HS6ST3: variants seen among roughly 807,000 people sequenced by gnomAD.
HS6ST3 encodes the protein heparan-sulfate 6-O-sulfotransferase 3.
Under a neutral mutation model 36.7 loss-of-function variants are expected in HS6ST3, and 12 were observed. The ratio of observed to expected loss-of-function variants is 0.33; its 90% CI spans 0.21 to 0.53. The LOEUF (loss-of-function observed/expected upper bound fraction) is 0.53, where lower values mean the gene tolerates loss of function less well. Ranked by LOEUF, HS6ST3 falls within the 20% of genes least tolerant of loss-of-function variation. The pLI, the probability that HS6ST3 is intolerant of heterozygous loss-of-function variation, is 0.95. For missense variants in HS6ST3, 584 were observed against 640.9 expected (o/e 0.91, Z 0.96); for synonymous variants, 240 against 257.5 (o/e 0.93, Z 0.65).
intron 1 of HS6ST3, among the ~76,000 whole-genome samples, chr13:96,562,883 C>T (rs1411706386): frequency 6.6e-6 from 1 of 151,820 alleles, no homozygotes; most frequent in Non-Finnish European, 1.5e-5. Context: ...TTCTTTGTGG[C>T]TCACAGAAGG....
At chr13:96,457,095 T>G (rs2055757841) in intron 1 of HS6ST3, among the ~76,000 whole-genome samples, 1 of 152,154 alleles carries the variant, frequency 6.6e-6, no homozygotes, top group African/African-American at 2.4e-5. Flanking sequence ...TTAGGGAGGC[T>G]GATTACAATT....
chr13:96,158,779 C>T (rs1022655693), intron 1 of HS6ST3, among the ~76,000 whole-genome samples: 1 of 150,938 alleles, frequency 6.6e-6, no homozygotes. Flanking sequence ...AGGGAGGAGA[C>T]AACATTAACA....
intron 1 of HS6ST3, among the ~76,000 whole-genome samples, chr13:96,215,084 G>A (rs1213713152): frequency 2.6e-5 from 4 of 152,142 alleles, no homozygotes; most frequent in African/African-American, 4.8e-5. Context: ...ATGAAGCAAG[G>A]TTTTGCCATG....
chr13:96,122,466 A>G (rs960591899), intron 1 of HS6ST3, among the ~76,000 whole-genome samples: 1 of 152,166 alleles, frequency 6.6e-6, no homozygotes, highest in Non-Finnish European at 1.5e-5. Context: ...GTTTAGCCTA[A>G]TATATTTCTC....
chr13:96,402,978 C>T (rs964908615), intron 1 of HS6ST3, among the ~76,000 whole-genome samples: 1 of 152,050 alleles, frequency 6.6e-6, no homozygotes, highest in East Asian at 1.9e-4. Context: ...AACAGTATAA[C>T]AGTTTTCAAA....
At chr13:96,312,854 A>G (rs904404026) in intron 1 of HS6ST3, among the ~76,000 whole-genome samples, 1 of 149,430 alleles carries the variant, frequency 6.7e-6, no homozygotes, top group Admixed American at 6.8e-5. Flanking sequence ...TAGGAGGCTC[A>G]GGCATGAGAA....
At chr13:96,558,649 GA>G (rs5805977) in intron 1 of HS6ST3, among the ~76,000 whole-genome samples, 11,570 of 152,070 alleles carry the variant, frequency 0.076, 768 homozygotes, top group African/African-American at 0.18. Flanking sequence ...AGCCTTGTTG[GA>G]ATTTTTTTTG....
At chr13:96,742,894 T>G (rs764829930) in intron 1 of HS6ST3, among the ~76,000 whole-genome samples, 19 of 152,036 alleles carry the variant, frequency 1.2e-4, no homozygotes, top group Non-Finnish European at 2.1e-4. Context: ...CTAAGTCCAG[T>G]AAAAAATCTG....
intron 1 of HS6ST3, among the ~76,000 whole-genome samples, chr13:96,505,344 C>T (rs551222469): frequency 4.1e-4 from 63 of 152,242 alleles, no homozygotes; most frequent in African/African-American, 1.5e-3. Flanking sequence ...AATGTTCTCC[C>T]CACATTCCTC....
chr13:96,740,161 C>T (rs1876401003), intron 1 of HS6ST3, among the ~76,000 whole-genome samples: 1 of 152,094 alleles, frequency 6.6e-6, no homozygotes, highest in Admixed American at 6.5e-5. Context: ...TGCCTGTCTC[C>T]CCACACCAGA....
chr13:96,742,324 T>C (rs1047229061), intron 1 of HS6ST3, among the ~76,000 whole-genome samples: 5 of 152,104 alleles, frequency 3.3e-5, no homozygotes, highest in African/African-American at 1.2e-4. Flanking sequence ...ATTCCAAATA[T>C]ATCCATAATC....
At position 96,745,045 on chromosome 13, in the gene HS6ST3, G is replaced by A. The variant is rs560702011; in HGVS notation, c.708-87445G>A. Among the ~76,000 whole-genome samples, 115 of 152,024 alleles carry A rather than the reference G, an allele frequency of 7.6e-4. 2 individuals are homozygous for A. Among genetic ancestry groups the A allele is most frequent in the Non-Finnish European group, 6.0e-4 (41 of 67,934 alleles). ...AACTACTAACCCAACATTTCCTTCTGAAGGCCTACTAAATGTCCAGAAATT... is the reference window on the plus strand; with the variant it reads ...AACTACTAACCCAACATTTCCTTCTAAAGGCCTACTAAATGTCCAGAAATT... On this transcript the variant is annotated intron_variant, in intron 1 of 1. Transcript: ENST00000376705.
intron 1 of HS6ST3, among the ~76,000 whole-genome samples, chr13:96,294,768 G>C (rs145825034): frequency 1.3e-5 from 2 of 152,132 alleles, no homozygotes; most frequent in East Asian, 3.9e-4. Context: ...TAACTATTTA[G>C]ATTCTTTTAA....
intron 1 of HS6ST3, among the ~76,000 whole-genome samples, chr13:96,584,577 A>G (rs895660873): frequency 2.6e-5 from 4 of 152,222 alleles, no homozygotes; most frequent in Non-Finnish European, 4.4e-5. Flanking sequence ...ACATTTATTG[A>G]ATGCATGCCA....
rs547443137 is a variant in HS6ST3, at chr13:96,403,151, C to T, written c.707+311582C>T. 4.6e-5 allele frequency among the ~76,000 whole-genome samples: 7 copies of T among 152,200 alleles called. No individual in the cohort carries two copies. The South Asian group carries it at 1.5e-3, about 32-fold the overall frequency. On this transcript the variant is annotated intron_variant, in intron 1 of 1. Coordinates refer to ENST00000376705, the MANE Select transcript of HS6ST3 (RefSeq NM_153456.4). ...TTCCCTGTTAACTAAAGATGTACTT[C>T]TTTTTATGTGCTTATTGGCCCTGCA...
intron 1 of HS6ST3, among the ~76,000 whole-genome samples, chr13:96,784,055 T>C (rs985169232): frequency 1.3e-5 from 2 of 151,860 alleles, no homozygotes; most frequent in African/African-American, 4.8e-5. Context: ...TTCATCACTA[T>C]TGGGAGATTG....
chr13:96,159,125 T>G (rs888313151), intron 1 of HS6ST3, among the ~76,000 whole-genome samples: 6 of 151,752 alleles, frequency 4.0e-5, no homozygotes, highest in Admixed American at 3.3e-4. Context: ...GGAAGGAGTA[T>G]CCAGAGGAAG....
Position 96,385,835 on chromosome 13 carries a change from A to G in HS6ST3, c.707+294266A>G, listed in dbSNP as rs1008802330. ...TCTTATTTCATTAAGGTGTGCATTA[A>G]GTATACATTACTATATCCATTTTAT... On this transcript the variant is annotated intron_variant, in intron 1 of 1. Coordinates refer to ENST00000376705, the MANE Select transcript of HS6ST3 (RefSeq NM_153456.4). Among the ~76,000 whole-genome samples the G allele has an allele frequency of 2.6e-5, 4 of 152,206 alleles. No individual in the cohort carries two copies. In the East Asian group the frequency reaches 5.8e-4, roughly 22 times the overall value.
At chr13:96,682,673 A>G (rs1260850065) in intron 1 of HS6ST3, among the ~76,000 whole-genome samples, 1 of 152,130 alleles carries the variant, frequency 6.6e-6, no homozygotes, top group Non-Finnish European at 1.5e-5. Flanking sequence ...CTTAAGGTGA[A>G]TTCATGGTGG....
Sources: allele counts gnomAD v4.1 joint callset (sites outside exome capture counted in the v4.1 genomes callset), GRCh38; gene constraint gnomAD v4.1.1; transcripts MANE v1.5; gene names NCBI Gene and HGNC (gene_info 2026-07-23, HGNC 2026-07-21).